The following PDE10A variants were observed in gnomAD, a reference collection of about 807,000 sequenced individuals.
The protein encoded by PDE10A is phosphodiesterase 10A, also known as cAMP and cAMP-inhibited cGMP 3',5'-cyclic phosphodiesterase 10A.
PDE10A carries 39 observed loss-of-function variants against 97.7 expected under a neutral mutation model. The observed-to-expected ratio is 0.40, with a 90% confidence interval of 0.31 to 0.52. PDE10A has a LOEUF of 0.52. PDE10A is among the 20% of genes least tolerant of loss of function. PDE10A has a pLI of 0.56. For synonymous variants in PDE10A, 371 were observed against 376.8 expected, an observed-to-expected ratio of 0.98 and a Z score of 0.18; for missense variants, 731 against 1,047.8, an observed-to-expected ratio of 0.70 and a Z score of 4.17.
chr6:165,705,195 T>A (rs1227452145), intron 1 of PDE10A, among the ~76,000 whole-genome samples: 1 of 152,228 alleles, frequency 6.6e-6, no homozygotes, highest in East Asian at 1.9e-4. Context: ...CCAGGTTGTC[T>A]CTACTCCTGA....
At chr6:165,962,717 C>T (rs937423587) in intron 1 of PDE10A, among the ~76,000 whole-genome samples, 8 of 152,242 alleles carry the variant, frequency 5.3e-5, no homozygotes, top group East Asian at 1.9e-4. Context: ...CCAGCAGAGG[C>T]GAAAGATTAA....
chr6:165,645,592 G>A (rs916172820), intron 1 of PDE10A, among the ~76,000 whole-genome samples: 6 of 152,026 alleles, frequency 3.9e-5, no homozygotes, highest in African/African-American at 9.7e-5. Context: ...GGTGTCTCAC[G>A]CCTGTAATCC....
At chr6:165,728,023 T>C (rs189791046) in intron 1 of PDE10A, among the ~76,000 whole-genome samples, 3 of 152,322 alleles carry the variant, frequency 2.0e-5, no homozygotes, top group Middle Eastern at 3.4e-3. Context: ...AGTAGAAAAC[T>C]AGGAAAAAAT....
At position 165,388,969 on chromosome 6, in the gene PDE10A, TG is replaced by T. The variant is rs1212884972; in HGVS notation, c.2455-517del. The stretch of plus-strand genomic sequence containing the variant: ...AAATTAGAGAAAGTCAGGCTGAGTA[TG>T]AAATAAACTAGGCAGGCACACCTCA... On this transcript the variant is annotated intron_variant, in intron 16 of 21. Coordinates refer to ENST00000539869, the MANE Select transcript of PDE10A (RefSeq NM_001385079.1). This position sits in a 1 kb window ranked among gnomAD's most constrained non-coding sequence, Gnocchi z 4.0. Among the ~76,000 whole-genome samples the T allele has an allele frequency of 6.6e-6, 1 of 152,038 alleles. No homozygotes were observed. Among genetic ancestry groups the T allele is most frequent in the African/African-American group, 2.4e-5 (1 of 41,396 alleles).
chr6:165,377,240 G>A (rs1784661894), intron 18 of PDE10A, among the ~76,000 whole-genome samples: 1 of 151,942 alleles, frequency 6.6e-6, no homozygotes, highest in Admixed American at 6.6e-5. Flanking sequence ...TCTGAGTTAT[G>A]CTTGAACATA....
chr6:165,839,929 CCAT>C (rs1562762653), intron 1 of PDE10A, among the ~76,000 whole-genome samples: 15 of 127,176 alleles, frequency 1.2e-4, no homozygotes, highest in East Asian at 7.0e-4. Flanking sequence ...AACCTCATCT[CCAT>C]TCTTATCTTC....
intron 1 of PDE10A, among the ~76,000 whole-genome samples, chr6:165,649,819 T>C (rs776912606): frequency 6.6e-6 from 1 of 152,230 alleles, no homozygotes; most frequent in Non-Finnish European, 1.5e-5. Flanking sequence ...AGGCATCTGG[T>C]TTCTTTCTAA....
intron 3 of PDE10A, among the ~76,000 whole-genome samples, chr6:165,481,200 T>C (rs982801660): frequency 2.6e-5 from 4 of 152,220 alleles, no homozygotes; most frequent in African/African-American, 9.6e-5. Flanking sequence ...CATTTTCTGC[T>C]GCTCCTAGCA....
intron 7 of PDE10A, among the ~76,000 whole-genome samples, chr6:165,431,820 AT>A (rs201221435): frequency 0.03 from 4,532 of 151,956 alleles, 119 homozygotes; most frequent in South Asian, 0.047. Flanking sequence ...GTTCATCTTA[AT>A]TTTGGATAAA....
chr6:165,845,987 GA>G (rs141159236), intron 1 of PDE10A, among the ~76,000 whole-genome samples: 4,356 of 152,166 alleles, frequency 0.029, 214 homozygotes, highest in African/African-American at 0.099. Context: ...GGTAAAGAAA[GA>G]AAAAAAGGTG....
At chr6:165,722,373 A>C (rs536836812) in intron 1 of PDE10A, among the ~76,000 whole-genome samples, 2 of 152,354 alleles carry the variant, frequency 1.3e-5, no homozygotes, top group Non-Finnish European at 2.9e-5. Flanking sequence ...GTAAGAAAAG[A>C]TACAGTAGTC....
intron 5 of PDE10A, among the ~76,000 whole-genome samples, chr6:165,446,060 G>A (rs1303474971): frequency 6.6e-6 from 1 of 152,076 alleles, no homozygotes; most frequent in Non-Finnish European, 1.5e-5. Context: ...AGAAATAAAA[G>A]ACAAGTTTGA....
At chr6:165,750,848 C>T (rs1419831307) in intron 1 of PDE10A, among the ~76,000 whole-genome samples, 1 of 151,610 alleles carries the variant, frequency 6.6e-6, no homozygotes, top group Non-Finnish European at 1.5e-5. Flanking sequence ...AACAGAGGCA[C>T]TGGCATGCAG....
At chr6:165,647,443 G>T (rs1383941145) in intron 1 of PDE10A, among the ~76,000 whole-genome samples, 1 of 152,154 alleles carries the variant, frequency 6.6e-6, no homozygotes, top group Admixed American at 6.5e-5. Context: ...TGGAGGTGCA[G>T]AAGTCCCATA....
intron 1 of PDE10A, among the ~76,000 whole-genome samples, chr6:165,893,485 A>G (rs148507416): frequency 6.6e-6 from 1 of 152,342 alleles, no homozygotes; most frequent in African/African-American, 2.4e-5. Context: ...AGATAGCTAT[A>G]ATGGCTAGAA....
intron 13 of PDE10A, among the ~76,000 whole-genome samples, chr6:165,411,725 C>A (rs1231304959): frequency 6.6e-6 from 1 of 152,096 alleles, no homozygotes; most frequent in Non-Finnish European, 1.5e-5. Flanking sequence ...AGTTATGAGA[C>A]ATTACATCTG....
chr6:165,942,104 AT>A (rs1015130595), intron 1 of PDE10A, among the ~76,000 whole-genome samples: 1 of 152,044 alleles, frequency 6.6e-6, no homozygotes, highest in Non-Finnish European at 1.5e-5. Flanking sequence ...AAACGTGCAC[AT>A]TTGGGGTTTT....
chr6:165,504,821 G>A (rs892180700), intron 2 of PDE10A, among the ~76,000 whole-genome samples: 4 of 152,284 alleles, frequency 2.6e-5, no homozygotes, highest in South Asian at 2.1e-4. Context: ...TCCTCTGGGA[G>A]CTCCCTTTTG....
At chr6:165,487,677 C>G (rs1779998630) in intron 2 of PDE10A, among the ~76,000 whole-genome samples, 2 of 152,120 alleles carry the variant, frequency 1.3e-5, no homozygotes, top group Non-Finnish European at 2.9e-5. Context: ...TGCCACCTTA[C>G]AAGTTCAAAG....
Sources: gnomAD v4.1 joint callset for allele counts (sites outside exome capture counted in the v4.1 genomes callset) on GRCh38, gnomAD v4.1.1 for gene constraint, Gnocchi (gnomAD v3.1) non-coding constraint, MANE v1.5 for transcripts, NCBI Gene and HGNC (gene_info 2026-07-23, HGNC 2026-07-21) for gene names.